LARGE1: variants seen among roughly 807,000 people sequenced by gnomAD.
LARGE1 encodes the protein LARGE xylosyl- and glucuronyltransferase 1, also known as xylosyl- and glucuronyltransferase LARGE1.
In LARGE1, 43 loss-of-function variants were observed where a neutral mutation model predicts 87.6. The ratio of observed to expected loss-of-function variants is 0.49; its 90% CI spans 0.38 to 0.63. The LOEUF (loss-of-function observed/expected upper bound fraction) is 0.63, where lower values mean the gene tolerates loss of function less well. Ranked by LOEUF, LARGE1 falls within the 30% of genes least tolerant of loss-of-function variation. The pLI is 0.00. For synonymous variants in LARGE1, 434 were observed against 394.6 expected, an observed-to-expected ratio of 1.10 and a Z score of -1.18; for missense variants, 802 against 1,000.2, an observed-to-expected ratio of 0.80 and a Z score of 2.67.
rs774240856 is a variant in LARGE1 at position 33,650,602 on chromosome 22, C to G, written c.173G>C (p.Ser58Thr). 2.5e-6 allele frequency: 4 copies of G among 1,604,802 alleles called. No homozygotes were observed. In the Middle Eastern group the frequency reaches 5.1e-4, roughly 206 times the overall value. The stretch of plus-strand genomic sequence containing the variant: ...CTCCAGGCTCTCGCGCTCCCGCTGG[C>G]TGGAGGCCGTGTACCTGGGGCTGTG... ...QAHSPRYTASSQRERESLEVR... is the reference protein window; with the variant it reads ...QAHSPRYTASTQRERESLEVR... Residue 58 changes from serine to threonine, a missense_variant, in exon 3 of 15, where the codon AGC (serine) becomes ACC (threonine). By Grantham distance (58) the Ser-to-Thr change is moderately conservative. This residue lies in a region of LARGE1 where 177 missense variants were observed against 158.3 expected (regional missense o/e 1.12). Coordinates refer to ENST00000397394, the MANE Select transcript of LARGE1 (RefSeq NM_133642.5).
intron 2 of LARGE1, among the ~76,000 whole-genome samples, chr22:33,681,043 A>ATTATC (rs2081753142): frequency 6.9e-6 from 1 of 145,284 alleles, no homozygotes; most frequent in Admixed American, 6.9e-5. Flanking sequence ...TTAATTTAAA[A>ATTATC]ATATCACAGT....
intron 7 of LARGE1, among the ~76,000 whole-genome samples, chr22:33,425,749 C>A (rs1440451925): frequency 6.6e-6 from 1 of 152,072 alleles, no homozygotes; most frequent in Admixed American, 6.6e-5. Flanking sequence ...TTTATAAGAT[C>A]TCTAACATGC....
chr22:33,468,336 T>C (rs2068699173), intron 6 of LARGE1, among the ~76,000 whole-genome samples: 1 of 152,142 alleles, frequency 6.6e-6, no homozygotes, highest in South Asian at 2.1e-4. Context: ...CTGGGTGCAG[T>C]GATGCCTCTA....
chr22:33,849,185 G>C (rs971502230), intron 1 of LARGE1, among the ~76,000 whole-genome samples: 1 of 152,114 alleles, frequency 6.6e-6, no homozygotes, highest in African/African-American at 2.4e-5. Context: ...TTTGCCTCCC[G>C]GAGTCACCCC....
intron 1 of LARGE1, among the ~76,000 whole-genome samples, chr22:33,891,800 T>G (rs896851982): frequency 6.6e-6 from 1 of 152,230 alleles, no homozygotes; most frequent in African/African-American, 2.4e-5. Flanking sequence ...CTGGTTTTGG[T>G]TCATCAAAAG....
At chr22:33,370,701 T>C (rs2064775649) in intron 9 of LARGE1, among the ~76,000 whole-genome samples, 1 of 151,712 alleles carries the variant, frequency 6.6e-6, no homozygotes, top group Admixed American at 6.6e-5. Context: ...TAATATGTTA[T>C]GTTGTATTTA....
At chr22:33,695,422 T>C (rs931936374) in intron 2 of LARGE1, among the ~76,000 whole-genome samples, 17 of 152,182 alleles carry the variant, frequency 1.1e-4, no homozygotes, top group African/African-American at 4.1e-4. Flanking sequence ...CTGATGCAGA[T>C]GAAGGAAGGT....
rs113784608 is a variant in LARGE1 at position 33,665,349 on chromosome 22, C to T, written c.107-14681G>A. ...AGAGTCTTCTGTGGATCTGTTTCAA[C>T]AACAGTATCTCCAGGGTCTGGAACC... On this transcript the variant is annotated intron_variant, in intron 2 of 14. Coordinates refer to ENST00000397394, the MANE Select transcript of LARGE1 (RefSeq NM_133642.5). Among the ~76,000 whole-genome samples the T allele has an allele frequency of 3.2e-3, 494 of 152,276 alleles. 2 individuals carry two copies. The highest frequency in any genetic ancestry group is 0.011 in the African/African-American group (474 of 41,552).
intron 11 of LARGE1, among the ~76,000 whole-genome samples, chr22:33,187,754 G>A (rs137398): frequency 6.6e-6 from 1 of 150,760 alleles, no homozygotes; most frequent in Non-Finnish European, 1.5e-5. Flanking sequence ...CTGTCTCTAC[G>A]AAACAAAATA....
intron 3 of LARGE1, among the ~76,000 whole-genome samples, chr22:33,635,135 A>G (rs1034530598): frequency 6.6e-6 from 1 of 151,890 alleles, no homozygotes; most frequent in African/African-American, 2.4e-5. Context: ...AAAAAAAGAA[A>G]AAGAATCCCA....
At chr22:33,314,030 G>C (rs960566767) in intron 11 of LARGE1, among the ~76,000 whole-genome samples, 9 of 152,198 alleles carry the variant, frequency 5.9e-5, no homozygotes, top group African/African-American at 1.7e-4. Context: ...CTCCCACTAA[G>C]TGCCTGGTGC....
intron 6 of LARGE1, among the ~76,000 whole-genome samples, chr22:33,489,818 T>C (rs948235062): frequency 3.3e-5 from 5 of 152,182 alleles, no homozygotes; most frequent in African/African-American, 1.2e-4. Context: ...GACATCCTAG[T>C]GGCAGAGAGA....
intron 6 of LARGE1, among the ~76,000 whole-genome samples, chr22:33,483,919 C>T (rs1255348708): frequency 2.0e-5 from 3 of 152,076 alleles, no homozygotes; most frequent in Non-Finnish European, 2.9e-5. Context: ...GCAGCAGAGG[C>T]GGTCAACACC....
chr22:33,439,034 A>C (rs1042107643), intron 6 of LARGE1, among the ~76,000 whole-genome samples: 1 of 152,002 alleles, frequency 6.6e-6, no homozygotes, highest in Non-Finnish European at 1.5e-5. Context: ...AACATAGTGA[A>C]ACCCCCGCCT....
chr22:33,864,032 C>T (rs567945818), intron 1 of LARGE1, among the ~76,000 whole-genome samples: 129 of 152,312 alleles, frequency 8.5e-4, no homozygotes, highest in African/African-American at 2.8e-3. Flanking sequence ...CACAGAAGTT[C>T]CAACTCCAGT....
At chr22:33,597,241 G>A (rs1267252431) in intron 5 of LARGE1, among the ~76,000 whole-genome samples, 1 of 142,080 alleles carries the variant, frequency 7.0e-6, no homozygotes, top group Non-Finnish European at 1.5e-5. Context: ...GTGATCTCTT[G>A]TTGGGCAATT....
At chr22:33,580,284 C>T (rs913321433) in intron 5 of LARGE1, among the ~76,000 whole-genome samples, 9 of 151,770 alleles carry the variant, frequency 5.9e-5, no homozygotes, top group Admixed American at 5.9e-4. Flanking sequence ...GCAGGAGAAT[C>T]GCTTGAACCC....
chr22:33,460,864 A>C (rs1425556405), intron 6 of LARGE1, among the ~76,000 whole-genome samples: 1 of 152,212 alleles, frequency 6.6e-6, no homozygotes, highest in African/African-American at 2.4e-5. Flanking sequence ...AAAGACAGTG[A>C]TCTCCACTGA....
chr22:33,456,748 T>C (rs2068147892), intron 6 of LARGE1, among the ~76,000 whole-genome samples: 1 of 152,182 alleles, frequency 6.6e-6, no homozygotes, highest in Non-Finnish European at 1.5e-5. Context: ...TAAGAACTTG[T>C]TCATGGAAGC....
Sources: gnomAD v4.1 joint callset for allele counts (sites outside exome capture counted in the v4.1 genomes callset) on GRCh38, gnomAD v4.1.1 for gene constraint, gnomAD v4.1.1 regional missense constraint, MANE v1.5 for transcripts, NCBI Gene and HGNC (gene_info 2026-07-23, HGNC 2026-07-21) for gene names.